The following CAMK1D variants were observed in gnomAD, a reference collection of about 807,000 sequenced individuals.
CAMK1D encodes the protein calcium/calmodulin dependent protein kinase ID.
CAMK1D carries 9 observed loss-of-function variants against 47.7 expected under a neutral mutation model. The observed-to-expected ratio is 0.19, with a 90% CI of 0.11 to 0.33. CAMK1D has a LOEUF of 0.33. Among genes scored for constraint, CAMK1D ranks in the 10% least tolerant of loss-of-function variants. The pLI, the probability that CAMK1D is intolerant of heterozygous loss-of-function variation, is 1.00. For missense variants in CAMK1D, 291 were observed against 488.7 expected, an observed-to-expected ratio of 0.60 and a Z score of 3.81; for synonymous variants, 184 against 184.9, an observed-to-expected ratio of 0.99 and a Z score of 0.04.
chr10:12,542,290 C>T (rs372884185), intron 1 of CAMK1D, among the ~76,000 whole-genome samples: 3 of 152,202 alleles, frequency 2.0e-5, no homozygotes, highest in East Asian at 3.9e-4. Flanking sequence ...TGGGGGGTAA[C>T]GTCTGCAGGC....
At chr10:12,812,398 C>T (rs952233516) in intron 6 of CAMK1D, among the ~76,000 whole-genome samples, 1 of 152,084 alleles carries the variant, frequency 6.6e-6, no homozygotes, top group African/African-American at 2.4e-5. Context: ...GGTGGATCAC[C>T]TGAGGTCAGG....
In CAMK1D at chr10:12,656,885, GGATA is replaced by G. The variant is rs1338516808; in HGVS notation, c.225-9846_225-9843del. The stretch of plus-strand genomic sequence containing the variant: ...TACATAAACACATATATATACACGT[GGATA>G]GATAAATAACAAGATGACATATTTT... On this transcript the variant is annotated intron_variant, in intron 2 of 10. Coordinates refer to ENST00000619168, the MANE Select transcript of CAMK1D (RefSeq NM_153498.4). Among the ~76,000 whole-genome samples, 8 of 152,200 alleles carry G rather than the reference GGATA, an allele frequency of 5.3e-5. No individual in the cohort carries two copies. In the South Asian group the frequency reaches 1.5e-3, roughly 28 times the overall value.
At chr10:12,777,602 A>C (rs1490962416) in intron 5 of CAMK1D, among the ~76,000 whole-genome samples, 2 of 151,956 alleles carry the variant, frequency 1.3e-5, no homozygotes, top group Non-Finnish European at 2.9e-5. Context: ...TCGAACTCCC[A>C]ACCTCAGGTG....
intron 6 of CAMK1D, among the ~76,000 whole-genome samples, chr10:12,801,425 A>T (rs1838473251): frequency 7.0e-6 from 1 of 143,870 alleles, no homozygotes; most frequent in Admixed American, 7.2e-5. Flanking sequence ...TCATCAACCC[A>T]TCCTTCCATT....
chr10:12,617,703 G>T (rs545721797), intron 2 of CAMK1D, among the ~76,000 whole-genome samples: 1 of 152,070 alleles, frequency 6.6e-6, no homozygotes. Context: ...GATACCTGCC[G>T]GGTTAGTTTT....
intron 6 of CAMK1D, among the ~76,000 whole-genome samples, chr10:12,799,376 G>A (rs1414840546): frequency 2.6e-5 from 4 of 152,056 alleles, no homozygotes; most frequent in South Asian, 4.2e-4. Context: ...ATGCAGATGC[G>A]TAACTGCTTA....
intron 3 of CAMK1D, among the ~76,000 whole-genome samples, chr10:12,700,205 A>G (rs1047203579): frequency 6.6e-6 from 1 of 152,218 alleles, no homozygotes; most frequent in African/African-American, 2.4e-5. Flanking sequence ...GCTGCTAATA[A>G]AGACATACCA....
At chr10:12,605,376 CAAAG>C (rs1367900957) in intron 2 of CAMK1D, among the ~76,000 whole-genome samples, 9 of 76,334 alleles carry the variant, frequency 1.2e-4, no homozygotes, top group Non-Finnish European at 2.5e-4. Flanking sequence ...GTATGTGTGT[CAAAG>C]AGAGAGACAG....
chr10:12,612,320 G>A (rs1243920942), intron 2 of CAMK1D, among the ~76,000 whole-genome samples: 2 of 151,088 alleles, frequency 1.3e-5, no homozygotes, highest in Non-Finnish European at 2.9e-5. Context: ...TCCCAAATTG[G>A]GCTTTAATTA....
At chr10:12,628,702 TA>T (rs1487925475) in intron 2 of CAMK1D, among the ~76,000 whole-genome samples, 1 of 152,174 alleles carries the variant, frequency 6.6e-6, no homozygotes, top group African/African-American at 2.4e-5. Flanking sequence ...TTTTGACAAA[TA>T]TATGACATGT....
chr10:12,415,240 C>A (rs1305750867), intron 1 of CAMK1D, among the ~76,000 whole-genome samples: 1 of 151,520 alleles, frequency 6.6e-6, no homozygotes, highest in Admixed American at 6.6e-5. Context: ...ATCTGCTAGC[C>A]ATTTCCTTGA....
chr10:12,623,927 A>C (rs1183801628), intron 2 of CAMK1D, among the ~76,000 whole-genome samples: 1 of 152,020 alleles, frequency 6.6e-6, no homozygotes, highest in Non-Finnish European at 1.5e-5. Context: ...AAAAATACAA[A>C]AATTAGCTAG....
chr10:12,694,400 A>AAG (rs1833149596), intron 3 of CAMK1D, among the ~76,000 whole-genome samples: 2 of 74,664 alleles, frequency 2.7e-5, no homozygotes, highest in African/African-American at 5.5e-5. Context: ...GTTATATATC[A>AAG]TATATAAAAT....
At chr10:12,809,186 G>C (rs902218243) in intron 6 of CAMK1D, among the ~76,000 whole-genome samples, 13 of 152,108 alleles carry the variant, frequency 8.5e-5, no homozygotes, top group African/African-American at 3.1e-4. Flanking sequence ...CCTAACGGGT[G>C]GGAAGTGGCA....
At chr10:12,498,497 C>T (rs1001941626) in intron 1 of CAMK1D, among the ~76,000 whole-genome samples, 6 of 152,186 alleles carry the variant, frequency 3.9e-5, no homozygotes, top group African/African-American at 1.4e-4. Flanking sequence ...TGAGATATGG[C>T]TGAATCCCAT....
At chr10:12,648,580 T>C (rs996412762) in intron 2 of CAMK1D, among the ~76,000 whole-genome samples, 1 of 152,168 alleles carries the variant, frequency 6.6e-6, no homozygotes, top group South Asian at 2.1e-4. Context: ...AAGCGATTCT[T>C]CTGCCTCAGC....
At chr10:12,606,837 C>A (rs1247355709) in intron 2 of CAMK1D, among the ~76,000 whole-genome samples, 2 of 150,440 alleles carry the variant, frequency 1.3e-5, no homozygotes, top group South Asian at 2.1e-4. Context: ...TTTTTTTTTT[C>A]TTTTTTTTGG....
chr10:12,709,485 C>G (rs1833856542), intron 3 of CAMK1D, among the ~76,000 whole-genome samples: 1 of 152,058 alleles, frequency 6.6e-6, no homozygotes, highest in Non-Finnish European at 1.5e-5. Flanking sequence ...GAACTGAATG[C>G]ATTCTGAAAT....
At chr10:12,699,089 G>A (rs113900329) in intron 3 of CAMK1D, among the ~76,000 whole-genome samples, 2,163 of 152,266 alleles carry the variant, frequency 0.014, 43 homozygotes, top group African/African-American at 0.049. Context: ...GCCCTTGTGT[G>A]ATGAGAGGAA....
Sources: gnomAD v4.1 joint callset for allele counts (sites outside exome capture counted in the v4.1 genomes callset) on GRCh38, gnomAD v4.1.1 for gene constraint, MANE v1.5 for transcripts, NCBI Gene and HGNC (gene_info 2026-07-23, HGNC 2026-07-21) for gene names.